The following NHSL2 variants were observed in gnomAD, a reference collection of about 807,000 sequenced individuals.
NHSL2 encodes the protein NHS-like protein 2.
A neutral mutation model predicts 53.4 loss-of-function variants in NHSL2; 27 were observed. That is an observed-to-expected ratio of 0.51 (90% CI 0.37 to 0.70). The LOEUF (loss-of-function observed/expected upper bound fraction) is 0.70. Ranked by LOEUF, NHSL2 falls within the 30% of genes least tolerant of loss-of-function variation. The pLI is 0.00. For missense variants in NHSL2, 892 were observed against 980.1 expected (o/e 0.91, Z 1.20); for synonymous variants, 408 against 404.1 (o/e 1.01, Z -0.12).
intron 1 of NHSL2, among the ~76,000 whole-genome samples, chrX:72,056,665 A>G (rs1255657365): frequency 8.9e-6 from 1 of 111,989 alleles, no homozygotes; most frequent in African/African-American, 3.3e-5. Context: ...TTGGTATGTA[A>G]TAGATAATAA....
intron 1 of NHSL2, among the ~76,000 whole-genome samples, chrX:72,014,427 A>G (rs888476776): frequency 8.9e-6 from 1 of 111,904 alleles, no homozygotes; most frequent in African/African-American, 3.2e-5. Context: ...ATTTGGAGCT[A>G]TAAACTTCTT....
intron 1 of NHSL2, among the ~76,000 whole-genome samples, chrX:71,966,631 G>T (rs1272127906): frequency 8.9e-6 from 1 of 111,792 alleles, no homozygotes; most frequent in Non-Finnish European, 1.9e-5. Context: ...TTTCATGCCT[G>T]GGGTAAATCC....
intron 1 of NHSL2, among the ~76,000 whole-genome samples, chrX:71,951,699 C>T (rs2041821675): frequency 8.9e-6 from 1 of 112,182 alleles, no homozygotes; most frequent in Non-Finnish European, 1.9e-5. Context: ...TTTCCAAACA[C>T]TCTTGGACAC....
At chrX:72,111,442 G>A (rs770947186) in intron 1 of NHSL2, among the ~76,000 whole-genome samples, 11 of 112,571 alleles carry the variant, frequency 9.8e-5, no homozygotes, top group South Asian at 3.6e-4. Context: ...TCTTTATTGC[G>A]TCTTTACTGT....
rs930081635 is a variant in NHSL2, at chrX:72,145,618, C to A, written c.*2044C>A. The A allele has an allele frequency of 5.3e-5, 6 of 112,569 alleles. No homozygotes were observed. The highest frequency in any genetic ancestry group is 1.6e-4 in the African/African-American group (5 of 30,987). 9.3% of individuals were successfully genotyped at this position (112,569 alleles called of 1,213,427 possible). ...CAGACTTAGAATTCCAAAAAACAGA[C>A]ATTTTCCTCTGTAGTAAATGAAGGA... is the stretch of plus-strand genomic sequence containing the variant. On this transcript the variant is annotated 3_prime_UTR_variant, in exon 8 of 8. Coordinates refer to ENST00000633930, the MANE Select transcript of NHSL2 (RefSeq NM_001013627.3).
chrX:72,028,005 G>A (rs1025680592), intron 1 of NHSL2, among the ~76,000 whole-genome samples: 7 of 111,846 alleles, frequency 6.3e-5, no homozygotes, highest in Non-Finnish European at 1.3e-4. Flanking sequence ...CGCTGCTGCT[G>A]CTGCTGCCAC....
chrX:72,067,194 G>A (rs2042435673), intron 1 of NHSL2, among the ~76,000 whole-genome samples: 1 of 111,041 alleles, frequency 9.0e-6, no homozygotes, highest in South Asian at 3.8e-4. Flanking sequence ...CTGTAGCCCT[G>A]GTCATGTTCA....
chrX:72,096,765 C>CTA (rs1361712083), intron 1 of NHSL2, among the ~76,000 whole-genome samples: 1 of 111,548 alleles, frequency 9.0e-6, no homozygotes, highest in African/African-American at 3.3e-5. Context: ...CTATTTGAAA[C>CTA]TATATATTAT....
chrX:71,924,560 G>A (rs1036807242), intron 1 of NHSL2, among the ~76,000 whole-genome samples: 4 of 112,209 alleles, frequency 3.6e-5, no homozygotes, highest in Non-Finnish European at 7.5e-5. Context: ...TAAACTGGAA[G>A]CTAGAAGTTA....
Position 72,146,899 on chromosome X carries a change from C to T in NHSL2, c.*3325C>T. ...CCCATGAACTGCATCCCTAGCACAA[C>T]AACTCACCCATAAAGGAAGTGAGAC... On this transcript the variant is annotated 3_prime_UTR_variant, in exon 8 of 8. Coordinates refer to ENST00000633930, the MANE Select transcript of NHSL2 (RefSeq NM_001013627.3). 9.0e-6 allele frequency: 1 copy of T among 111,634 alleles called. No individual in the cohort carries two copies. 9.2% of individuals were successfully genotyped at this position (111,634 alleles called of 1,213,427 possible).
At chrX:72,018,597 G>A (rs2042145359) in intron 1 of NHSL2, among the ~76,000 whole-genome samples, 1 of 112,871 alleles carries the variant, frequency 8.9e-6, no homozygotes, top group African/African-American at 3.2e-5. Context: ...CCAGGCGCGT[G>A]CGGAGGCGGC....
chrX:72,086,820 G>A (rs2041851314), intron 1 of NHSL2, among the ~76,000 whole-genome samples: 1 of 110,793 alleles, frequency 9.0e-6, no homozygotes, highest in Non-Finnish European at 1.9e-5. Context: ...ACTCATTACA[G>A]TAAAGCTGAT....
rs138787811 is a variant in NHSL2, at chrX:72,138,906, G to A, written c.1358G>A (p.Gly453Glu). ...CGTGATAACCCAGCAGGATGCAGTG[G>A]GTCAGCTGGCTACCCTGAGCGCCTT... Reference protein sequence around the residue: ...VARDNPAGCSGSAGYPERLIQ... With the variant: ...VARDNPAGCSESAGYPERLIQ... The change falls in exon 6 of 8, where the codon GGG becomes GAG. Residue 453 changes from glycine (G) to glutamate (E), a missense_variant. Coordinates refer to ENST00000633930, the MANE Select transcript of NHSL2 (RefSeq NM_001013627.3). 274 of 1,208,631 alleles carry A rather than the reference G, an allele frequency of 2.3e-4. 2 individuals carry two copies. In the African/African-American group the frequency reaches 4.5e-3, roughly 20 times the overall value.
At chrX:71,926,529 C>G (rs2041686311) in intron 1 of NHSL2, among the ~76,000 whole-genome samples, 1 of 110,706 alleles carries the variant, frequency 9.0e-6, no homozygotes, top group African/African-American at 3.3e-5. Flanking sequence ...AAATTTTAAA[C>G]CTGCTCTCGG....
At chrX:71,942,800 GC>G (rs1022118452) in intron 1 of NHSL2, among the ~76,000 whole-genome samples, 1 of 110,439 alleles carries the variant, frequency 9.1e-6, no homozygotes, top group Non-Finnish European at 1.9e-5. Flanking sequence ...TGCCTCTTTT[GC>G]CCCCCACCCC....
Position 72,139,579 on chromosome X carries a change from C to T in NHSL2, c.2031C>T (p.Ala677=). The T allele has an allele frequency of 8.3e-7, 1 of 1,210,951 alleles. No individual in the cohort carries two copies. Among genetic ancestry groups the T allele is most frequent in the Non-Finnish European group, 1.1e-6 (1 of 894,844 alleles). ...TTCAGGGCAGCTCAGAGTCTCTTGC[C>T]TCACCTTCCACCTCCAGAGCCACTA... ...TQVQGSSESL[A]SPSTSRATTP... is the part of the protein sequence containing the mutation. Residue 677 remains alanine (A), a synonymous_variant, in exon 6 of 8, where the codon GCC becomes GCT. Coordinates refer to ENST00000633930, the MANE Select transcript of NHSL2 (RefSeq NM_001013627.3).
chrX:72,078,450 C>T (rs1338114011), intron 1 of NHSL2, among the ~76,000 whole-genome samples: 1 of 111,900 alleles, frequency 8.9e-6, no homozygotes, highest in Non-Finnish European at 1.9e-5. Flanking sequence ...TTCACAGAAG[C>T]TCCTCAACTT....
intron 1 of NHSL2, among the ~76,000 whole-genome samples, chrX:71,958,967 A>C (rs1285500220): frequency 8.9e-6 from 1 of 112,325 alleles, no homozygotes; most frequent in Non-Finnish European, 1.9e-5. Context: ...TCAGCTGTAC[A>C]GTCTGAAGGC....
At chrX:72,057,706 T>G (rs2042377288) in intron 1 of NHSL2, among the ~76,000 whole-genome samples, 1 of 112,078 alleles carries the variant, frequency 8.9e-6, no homozygotes, top group Non-Finnish European at 1.9e-5. Flanking sequence ...TGGAGGATGC[T>G]CAAGGTCAGA....
Sources: allele counts gnomAD v4.1 joint callset (sites outside exome capture counted in the v4.1 genomes callset), GRCh38; gene constraint gnomAD v4.1.1; transcripts MANE v1.5; gene names NCBI Gene and HGNC (gene_info 2026-07-23, HGNC 2026-07-21).